CTNNA3: variants seen among roughly 807,000 people sequenced by gnomAD.
CTNNA3 encodes catenin alpha 3.
In CTNNA3, 76 loss-of-function variants were observed where a neutral mutation model predicts 95.7. That is an observed-to-expected ratio of 0.79 (90% CI 0.66 to 0.96). The LOEUF (loss-of-function observed/expected upper bound fraction) is 0.96. CTNNA3 is among the 40% of genes least tolerant of loss of function. The pLI is 0.00. For synonymous variants in CTNNA3, 431 were observed against 374.4 expected (o/e 1.15, Z -1.74); for missense variants, 1,191 against 1,089.8 (o/e 1.09, Z -1.31).
chr10:67,150,033 G>A (rs1246025339), intron 7 of CTNNA3, among the ~76,000 whole-genome samples: 1 of 152,074 alleles, frequency 6.6e-6, no homozygotes, highest in African/African-American at 2.4e-5. Context: ...TTATCTAAAA[G>A]AGCTTACCAA....
intron 9 of CTNNA3, among the ~76,000 whole-genome samples, chr10:66,713,102 C>T (rs993513989): frequency 6.6e-6 from 1 of 152,142 alleles, no homozygotes; most frequent in African/African-American, 2.4e-5. Context: ...TTTAGTTCCA[C>T]ACAGGAGGCT....
intron 15 of CTNNA3, among the ~76,000 whole-genome samples, chr10:66,001,956 T>C (rs1187517790): frequency 6.6e-6 from 1 of 152,080 alleles, no homozygotes; most frequent in African/African-American, 2.4e-5. Flanking sequence ...CTGTGTGTAG[T>C]TGTTATCGTT....
At chr10:67,407,872 C>A (rs1344436930) in intron 5 of CTNNA3, among the ~76,000 whole-genome samples, 1 of 152,074 alleles carries the variant, frequency 6.6e-6, no homozygotes. Flanking sequence ...AAGTGAAGGA[C>A]CTCTTTGAGA....
chr10:66,266,661 G>A (rs2091166352), intron 13 of CTNNA3, among the ~76,000 whole-genome samples: 2 of 152,102 alleles, frequency 1.3e-5, no homozygotes, highest in South Asian at 4.1e-4. Flanking sequence ...GAACATGCCT[G>A]ACTACCAGTC....
intron 5 of CTNNA3, among the ~76,000 whole-genome samples, chr10:67,314,456 T>C (rs1840956222): frequency 6.6e-6 from 1 of 152,194 alleles, no homozygotes; most frequent in Admixed American, 6.5e-5. Context: ...GTTTATTACA[T>C]AGTTTATTTT....
intron 7 of CTNNA3, among the ~76,000 whole-genome samples, chr10:67,100,110 A>C (rs2131941197): frequency 6.6e-6 from 1 of 151,934 alleles, no homozygotes; most frequent in African/African-American, 2.4e-5. Context: ...ATTTCTAGAC[A>C]CATTCAAATT....
intron 10 of CTNNA3, among the ~76,000 whole-genome samples, chr10:66,533,366 G>A (rs1175118925): frequency 1.3e-5 from 2 of 152,042 alleles, no homozygotes; most frequent in Non-Finnish European, 2.9e-5. Context: ...TGTCACGGTT[G>A]AGCATTTATC....
At chr10:66,393,859 T>C (rs1217630024) in intron 11 of CTNNA3, among the ~76,000 whole-genome samples, 2 of 152,038 alleles carry the variant, frequency 1.3e-5, no homozygotes, top group South Asian at 2.1e-4. Flanking sequence ...CACAAAGTTA[T>C]AGTAATTTGA....
intron 5 of CTNNA3, among the ~76,000 whole-genome samples, chr10:67,339,336 T>A (rs917962252): frequency 6.6e-6 from 1 of 152,174 alleles, no homozygotes; most frequent in African/African-American, 2.4e-5. Flanking sequence ...TAATGACTTA[T>A]CCAATATCAC....
intron 15 of CTNNA3, among the ~76,000 whole-genome samples, chr10:66,002,925 A>G (rs1363432747): frequency 2.0e-5 from 3 of 152,218 alleles, no homozygotes; most frequent in African/African-American, 7.2e-5. Flanking sequence ...ACATGATCCC[A>G]GGGGTGCTAA....
At chr10:66,388,014 C>T (rs1187183503) in intron 11 of CTNNA3, among the ~76,000 whole-genome samples, 2 of 152,004 alleles carry the variant, frequency 1.3e-5, no homozygotes, top group Admixed American at 6.6e-5. Context: ...TTGATGGGTG[C>T]AGCAAACCAA....
At chr10:66,500,224 T>A (rs1357410673) in intron 11 of CTNNA3, among the ~76,000 whole-genome samples, 2 of 152,076 alleles carry the variant, frequency 1.3e-5, no homozygotes, top group Non-Finnish European at 2.9e-5. Flanking sequence ...CCAAAAAAAA[T>A]TGATACTAGC....
At chr10:67,227,950 T>A (rs1031834430) in intron 5 of CTNNA3, among the ~76,000 whole-genome samples, 2 of 152,122 alleles carry the variant, frequency 1.3e-5, no homozygotes, top group Admixed American at 1.3e-4. Flanking sequence ...GAATTAGCAT[T>A]GGGTCAAAAA....
At chr10:66,806,970 G>A (rs1359741945) in intron 7 of CTNNA3, among the ~76,000 whole-genome samples, 1 of 151,964 alleles carries the variant, frequency 6.6e-6, no homozygotes, top group Non-Finnish European at 1.5e-5. Flanking sequence ...TGGATGAGAG[G>A]TGACTGCAAA....
chr10:66,297,181 C>G (rs2091793183), intron 12 of CTNNA3, among the ~76,000 whole-genome samples: 1 of 151,998 alleles, frequency 6.6e-6, no homozygotes, highest in Non-Finnish European at 1.5e-5. Context: ...GGAAGGAATC[C>G]AGTCCTATAC....
intron 13 of CTNNA3, among the ~76,000 whole-genome samples, chr10:66,193,107 G>A (rs1326793108): frequency 6.6e-6 from 1 of 152,112 alleles, no homozygotes; most frequent in Non-Finnish European, 1.5e-5. Flanking sequence ...AAGGTCTATT[G>A]GGAGAAGGTA....
chr10:66,113,338 A>G (rs2082190295), intron 13 of CTNNA3, among the ~76,000 whole-genome samples: 1 of 152,040 alleles, frequency 6.6e-6, no homozygotes, highest in Admixed American at 6.6e-5. Flanking sequence ...TTTTTCTTTA[A>G]TTGTTTGAAT....
intron 14 of CTNNA3, among the ~76,000 whole-genome samples, chr10:66,080,063 C>T (rs1425604551): frequency 2.6e-5 from 4 of 151,956 alleles, no homozygotes; most frequent in Non-Finnish European, 5.9e-5. Context: ...ATGACCTAAA[C>T]CCAAAGTTAG....
chr10:67,329,454 G>A (rs1018317475), intron 5 of CTNNA3, among the ~76,000 whole-genome samples: 3 of 152,194 alleles, frequency 2.0e-5, no homozygotes, highest in African/African-American at 7.2e-5. Context: ...GATGTGGCAA[G>A]GGAGTTTTAC....
Sources: allele counts gnomAD v4.1 joint callset (sites outside exome capture counted in the v4.1 genomes callset), GRCh38; gene constraint gnomAD v4.1.1; transcripts MANE v1.5; gene names NCBI Gene and HGNC (gene_info 2026-07-23, HGNC 2026-07-21).